The following ELP4 variants were observed in gnomAD, a reference collection of about 807,000 sequenced individuals.
The protein encoded by ELP4 is elongator complex protein 4.
A neutral mutation model predicts 48.9 loss-of-function variants in ELP4; 51 were observed. That is an observed-to-expected ratio of 1.04 (90% CI 0.83 to 1.32). ELP4 has a LOEUF of 1.32. Among genes scored for constraint, ELP4 ranks in the 40% most tolerant of loss-of-function variants. ELP4 has a pLI of 0.00. For synonymous variants in ELP4, 210 were observed against 189.2 expected, an observed-to-expected ratio of 1.11 and a Z score of -0.90; for missense variants, 519 against 514.6, an observed-to-expected ratio of 1.01 and a Z score of -0.08.
At chr11:31,558,067 A>T (rs1400350191) in intron 3 of ELP4, among the ~76,000 whole-genome samples, 1 of 151,850 alleles carries the variant, frequency 6.6e-6, no homozygotes, top group East Asian at 1.9e-4. Flanking sequence ...CAGGCTATCT[A>T]TACACTTTTC....
At chr11:31,780,013 C>T (rs888447558) in intron 9 of ELP4, 4 of 152,044 alleles carry the variant, frequency 2.6e-5, no homozygotes, top group African/African-American at 9.7e-5. Context: ...ATATGAATAC[C>T]TTGATTTGGT....
chr11:31,649,995 A>G lies in ELP4; in HGVS notation c.1037-120A>G, dbSNP rs75155674. ...TTCATTGCTCCTGGTAGTAAGCTCC[A>G]GTTTTAAAAGGGGAGGATGCTTGTG... On this transcript the variant is annotated intron_variant, in intron 8 of 9. Transcript: ENST00000640961. 1.0e-2 allele frequency: 4,821 copies of G among 483,292 alleles called. 38 individuals carry two copies. Among genetic ancestry groups the G allele is most frequent in the Non-Finnish European group, 0.014 (3,659 of 266,674 alleles). 29.9% of individuals were successfully genotyped at this position (483,292 alleles called of 1,614,324 possible).
At chr11:31,741,882 C>T (rs969134542) in intron 9 of ELP4, among the ~76,000 whole-genome samples, 5 of 152,162 alleles carry the variant, frequency 3.3e-5, no homozygotes, top group African/African-American at 1.2e-4. Flanking sequence ...AGCAACGGAA[C>T]AAAGCTGGAC....
chr11:31,785,270 A>G lies in ELP4; in HGVS notation c.*1746A>G. On this transcript the variant is annotated 3_prime_UTR_variant, in exon 10 of 10. Transcript: ENST00000640961. ...GTATTTTAGTCAGTTTATTATTTTA[A>G]TAACTCTAACCTTTTTCTTACCGTG... 1 of 183,070 alleles carries G rather than the reference A, an allele frequency of 5.5e-6. No homozygotes were observed. The allele number at this position is 183,070 out of a possible 1,614,324, so 11.3% of individuals were successfully genotyped here.
chr11:31,641,179 A>G (rs1945086593), intron 7 of ELP4, among the ~76,000 whole-genome samples: 1 of 151,940 alleles, frequency 6.6e-6, no homozygotes, highest in Non-Finnish European at 1.5e-5. Flanking sequence ...AGATCATTAG[A>G]TTATCAGATA....
At chr11:31,586,748 T>C (rs1957480793) in intron 3 of ELP4, among the ~76,000 whole-genome samples, 1 of 151,914 alleles carries the variant, frequency 6.6e-6, no homozygotes. Flanking sequence ...TTCAACGCCG[T>C]TCTCCTGCCT....
intron 9 of ELP4, among the ~76,000 whole-genome samples, chr11:31,730,311 C>CT (rs1947158752): frequency 6.6e-6 from 1 of 152,106 alleles, no homozygotes; most frequent in Non-Finnish European, 1.5e-5. Context: ...TGGTGAAGGC[C>CT]TGTCTAGGTG....
intron 9 of ELP4, among the ~76,000 whole-genome samples, chr11:31,698,657 C>G (rs1946460419): frequency 6.6e-6 from 1 of 152,154 alleles, no homozygotes; most frequent in Non-Finnish European, 1.5e-5. Flanking sequence ...AAGTGATCCA[C>G]CCCTCTCAGC....
At chr11:31,520,266 G>T (rs895571693) in intron 2 of ELP4, among the ~76,000 whole-genome samples, 175 bp downstream of exon 2, 1 of 152,160 alleles carries the variant, frequency 6.6e-6, no homozygotes. Context: ...AGCTGAACTT[G>T]AAATAAATTA....
chr11:31,640,114 T>C (rs1945061112), intron 7 of ELP4, among the ~76,000 whole-genome samples: 1 of 151,918 alleles, frequency 6.6e-6, no homozygotes, highest in Non-Finnish European at 1.5e-5. Context: ...TGGGGAGCCC[T>C]GTGTGTTCAA....
intron 9 of ELP4, among the ~76,000 whole-genome samples, chr11:31,746,195 C>G (rs1592275781): frequency 6.6e-6 from 1 of 152,350 alleles, no homozygotes; most frequent in Non-Finnish European, 1.5e-5. Context: ...GAGATACCAT[C>G]TCACACCAGT....
chr11:31,680,409 T>C (rs1946030535), intron 9 of ELP4, among the ~76,000 whole-genome samples: 2 of 152,210 alleles, frequency 1.3e-5, no homozygotes, highest in Non-Finnish European at 2.9e-5. Flanking sequence ...TCACTAGTTT[T>C]TGAAACAAAT....
chr11:31,710,379 C>A (rs1245307692), intron 9 of ELP4, among the ~76,000 whole-genome samples: 3 of 152,174 alleles, frequency 2.0e-5, no homozygotes, highest in African/African-American at 7.2e-5. Flanking sequence ...AATCCCAACA[C>A]TTTGGGAGGC....
intron 8 of ELP4, chr11:31,649,573 C>T (rs1309730614): frequency 6.6e-6 from 1 of 151,622 alleles, no homozygotes; most frequent in Non-Finnish European, 1.5e-5. Flanking sequence ...CTTGGGATGG[C>T]ATAGGGGTTA....
intron 3 of ELP4, among the ~76,000 whole-genome samples, chr11:31,581,005 A>G (rs1957381738): frequency 6.6e-6 from 1 of 152,096 alleles, no homozygotes; most frequent in African/African-American, 2.4e-5. Flanking sequence ...GACAGTCTAT[A>G]TTTCTCCTTT....
At chr11:31,591,774 G>A (rs1957581521) in intron 3 of ELP4, among the ~76,000 whole-genome samples, 1 of 152,018 alleles carries the variant, frequency 6.6e-6, no homozygotes, top group Admixed American at 6.6e-5. Flanking sequence ...CAAAGACAGT[G>A]GAAAACATGT....
intron 3 of ELP4, among the ~76,000 whole-genome samples, chr11:31,547,185 G>A (rs973815502): frequency 9.9e-5 from 15 of 152,134 alleles, no homozygotes; most frequent in South Asian, 2.1e-4. Context: ...CAAAAAATTA[G>A]TGAATCCAGG....
At chr11:31,693,584 C>T (rs1337190471) in intron 9 of ELP4, among the ~76,000 whole-genome samples, 4 of 152,016 alleles carry the variant, frequency 2.6e-5, no homozygotes, top group Admixed American at 2.6e-4. Context: ...GGGTTGGTTC[C>T]AAGTCTTTCC....
chr11:31,786,635 C>G lies in ELP4; in HGVS notation c.*3111C>G, dbSNP rs1227142449. ...CTAAGATGACATTCACAGAACAAAGCTGAATCTTCAAATAATACTGTATGA... is the reference window on the plus strand; with the variant it reads ...CTAAGATGACATTCACAGAACAAAGGTGAATCTTCAAATAATACTGTATGA... On this transcript the variant is annotated 3_prime_UTR_variant, in exon 10 of 10. Coordinates refer to ENST00000640961, the MANE Select transcript of ELP4 (RefSeq NM_019040.5). 1 of 225,484 alleles carries G rather than the reference C, an allele frequency of 4.4e-6. No homozygotes were observed. Among genetic ancestry groups the G allele is most frequent in the South Asian group, 1.8e-4 (1 of 5,462 alleles). 14.0% of individuals were successfully genotyped at this position (225,484 alleles called of 1,614,324 possible). A position where few individuals can be genotyped will look rare whatever the true frequency, so the allele number is the denominator to read the frequency against.
Sources: allele counts gnomAD v4.1 joint callset (sites outside exome capture counted in the v4.1 genomes callset), GRCh38; gene constraint gnomAD v4.1.1; transcripts MANE v1.5; gene names NCBI Gene and HGNC (gene_info 2026-07-23, HGNC 2026-07-21).